The following LIFR variants were observed in gnomAD, a reference collection of about 807,000 sequenced individuals.
The protein encoded by LIFR is LIF receptor subunit alpha.
A neutral mutation model predicts 122.2 loss-of-function variants in LIFR; 84 were observed. The observed-to-expected ratio is 0.69, with a 90% CI of 0.58 to 0.82. The LOEUF is 0.82. Among genes scored for constraint, LIFR ranks in the 40% least tolerant of loss-of-function variants. The pLI, the probability that LIFR is intolerant of heterozygous loss-of-function variation, is 0.00. For missense variants in LIFR, 1,294 were observed against 1,311.6 expected, an observed-to-expected ratio of 0.99 and a Z score of 0.21; for synonymous variants, 422 against 434.7, an observed-to-expected ratio of 0.97 and a Z score of 0.36.
intron 3 of LIFR, among the ~76,000 whole-genome samples, chr5:38,527,824 C>T (rs1486639770): frequency 6.6e-6 from 1 of 152,224 alleles, no homozygotes; most frequent in African/African-American, 2.4e-5. Context: ...CTCTCTTGTT[C>T]CACAGCCCTT....
At chr5:38,552,672 T>C (rs1253890320) in intron 1 of LIFR, among the ~76,000 whole-genome samples, 1 of 152,206 alleles carries the variant, frequency 6.6e-6, no homozygotes, top group Non-Finnish European at 1.5e-5. Flanking sequence ...ACACTTGAAT[T>C]TCATGGAAGA....
At chr5:38,499,683 G>A (rs951017079) in intron 11 of LIFR, 100 bp from the exon 12 acceptor site, 13 of 851,050 alleles carry the variant, frequency 1.5e-5, no homozygotes, top group African/African-American at 3.3e-5. Context: ...TCAATAAAAC[G>A]TGAAGCAGTT....
chr5:38,584,930 C>T (rs889470649), intron 1 of LIFR, among the ~76,000 whole-genome samples: 5 of 152,092 alleles, frequency 3.3e-5, no homozygotes, highest in Non-Finnish European at 5.9e-5. Context: ...TTATAGCAAC[C>T]GTTTTACTAT....
rs56994772 is a variant in LIFR at position 38,552,955 on chromosome 5, T to A, written c.-20+3379A>T. Among the ~76,000 whole-genome samples, 652 of 152,342 alleles carry A rather than the reference T, an allele frequency of 4.3e-3. 4 individuals carry two copies. The highest frequency in any genetic ancestry group is 0.015 in the African/African-American group (613 of 41,584). On this transcript the variant is annotated intron_variant, in intron 1 of 19. Coordinates refer to ENST00000453190, the MANE Select transcript of LIFR (RefSeq NM_001127671.2). The stretch of plus-strand genomic sequence containing the variant: ...TGCAATGGGTAACAAGCAGATGTGT[T>A]GCTAGCCCCCTGGAGCTTCCAGCCT...
At chr5:38,531,661 T>C (rs1354421336) in intron 1 of LIFR, among the ~76,000 whole-genome samples, 2 of 151,750 alleles carry the variant, frequency 1.3e-5, no homozygotes, top group Non-Finnish European at 2.9e-5. Context: ...GAGTAATCTT[T>C]CAGAACAAAA....
At position 38,535,063 on chromosome 5, in the gene LIFR, T is replaced by C. The variant is rs371504569; in HGVS notation, c.-19-4397A>G. Reference sequence around the variant, plus strand: ...ATTCTCTGGAAGCTACTGCAGGACATGACTGACCAAAATGAGGTACAAAAC... The same window carrying C: ...ATTCTCTGGAAGCTACTGCAGGACACGACTGACCAAAATGAGGTACAAAAC... On this transcript the variant is annotated intron_variant, in intron 1 of 19. Transcript: ENST00000453190. Among the ~76,000 whole-genome samples the C allele has an allele frequency of 6.6e-5, 10 of 152,232 alleles. No individual in the cohort carries two copies. In the East Asian group the frequency reaches 1.5e-3, roughly 23 times the overall value.
intron 16 of LIFR, among the ~76,000 whole-genome samples, chr5:38,486,225 T>C (rs185522374): frequency 2.0e-5 from 3 of 152,336 alleles, no homozygotes; most frequent in Non-Finnish European, 4.4e-5. Flanking sequence ...TAGAATATCA[T>C]GACTTAAGCT....
chr5:38,515,361 T>C (rs1010811315), intron 5 of LIFR, among the ~76,000 whole-genome samples: 2 of 151,564 alleles, frequency 1.3e-5, no homozygotes, highest in African/African-American at 4.9e-5. Flanking sequence ...AAAGATAAAA[T>C]TGATAAAGTA....
Position 38,476,858 on chromosome 5 carries a change from T to C in LIFR, c.*4737A>G, listed in dbSNP as rs969308147. ...TTGCACAGTTAGAATTTGTCTTGCA[T>C]AGGTAAATTCTGTTTATAACATGGA... is the stretch of plus-strand genomic sequence containing the variant. On this transcript the variant is annotated 3_prime_UTR_variant, in exon 20 of 20. Transcript: ENST00000453190. 9.4e-6 allele frequency: 2 copies of C among 213,054 alleles called. No homozygotes were observed. Among genetic ancestry groups the C allele is most frequent in the Non-Finnish European group, 1.9e-5 (2 of 105,384 alleles). 13.2% of individuals were successfully genotyped at this position (213,054 alleles called of 1,614,324 possible). A position where few individuals can be genotyped will look rare whatever the true frequency, so the allele number is the denominator to read the frequency against.
chr5:38,495,229 T>C (rs996137563), intron 13 of LIFR, among the ~76,000 whole-genome samples: 3 of 152,202 alleles, frequency 2.0e-5, no homozygotes, highest in African/African-American at 7.2e-5. Context: ...ACAGAAAAGG[T>C]AGGATTATGT....
chr5:38,503,757 T>C lies in LIFR; in HGVS notation c.1437+219A>G, dbSNP rs554796744. ...AGCACCAGCTATGTGCCAGGTACTATAGTGCATCTGGGAACATTCTGAGGA... is the reference window on the plus strand; with the variant it reads ...AGCACCAGCTATGTGCCAGGTACTACAGTGCATCTGGGAACATTCTGAGGA... On this transcript the variant is annotated intron_variant, in intron 10 of 19. Transcript: ENST00000453190. Among the ~76,000 whole-genome samples, 6 of 149,172 alleles carry C rather than the reference T, an allele frequency of 4.0e-5. No homozygotes were observed. The East Asian group carries it at 5.8e-4, about 14-fold the overall frequency.
intron 10 of LIFR, 67 bp downstream of exon 10, chr5:38,503,909 G>T: frequency 8.7e-7 from 1 of 1,144,320 alleles, no homozygotes; most frequent in Non-Finnish European, 1.3e-6. Context: ...ATATCAATTT[G>T]CTTAATTCTT....
In LIFR at chr5:38,512,115, T is replaced by C. The variant is rs116214074; in HGVS notation, c.562-151A>G. 2,200 of 757,110 alleles carry C rather than the reference T, an allele frequency of 2.9e-3. 8 individuals are homozygous for C. The highest frequency in any genetic ancestry group is 4.5e-3 in the Non-Finnish European group (1,930 of 431,950). The allele number at this position is 757,110 out of a possible 1,614,324, so 46.9% of individuals were successfully genotyped here. On this transcript the variant is annotated intron_variant, in intron 5 of 19. Transcript: ENST00000453190. ...CAACTCAGTTTTGTGTAAGGTATAA[T>C]AGCAGAGTAACAATAATCATGATTC... is the stretch of plus-strand genomic sequence containing the variant.
At chr5:38,499,192 A>T (rs543579009) in intron 12 of LIFR, among the ~76,000 whole-genome samples, 74 of 152,234 alleles carry the variant, frequency 4.9e-4, no homozygotes, top group Non-Finnish European at 7.6e-4. Flanking sequence ...AGAAAAAAAT[A>T]TAACAAACAC....
At chr5:38,499,141 A>C (rs1580044267) in intron 12 of LIFR, among the ~76,000 whole-genome samples, 1 of 152,234 alleles carries the variant, frequency 6.6e-6, no homozygotes, top group Admixed American at 6.5e-5. Context: ...AAGGGAAATA[A>C]ATTACACATG....
chr5:38,477,939 T>C lies in LIFR; in HGVS notation c.*3656A>G. 1 of 211,732 alleles carries C rather than the reference T, an allele frequency of 4.7e-6. No individual in the cohort carries two copies. The highest frequency in any genetic ancestry group is 7.0e-5 in the East Asian group (1 of 14,198). The allele number at this position is 211,732 out of a possible 1,614,324, so 13.1% of individuals were successfully genotyped here. On this transcript the variant is annotated 3_prime_UTR_variant, in exon 20 of 20. Transcript: ENST00000453190. ...AATTCAAAATAGAGAATAGCAAAAA[T>C]AACCTTAGAGCAAACAAAAAATTTT...
At chr5:38,526,501 CACAG>C (rs1312900249) in intron 4 of LIFR, among the ~76,000 whole-genome samples, 2 of 151,620 alleles carry the variant, frequency 1.3e-5, no homozygotes, top group Admixed American at 1.3e-4. Flanking sequence ...TCTTTAGATC[CACAG>C]ACACTTAATT....
Position 38,490,274 on chromosome 5 carries a change from T to C in LIFR, c.2083A>G (p.Ile695Val), listed in dbSNP as rs2112399701. 6.5e-6 allele frequency: 10 copies of C among 1,544,260 alleles called. No individual in the cohort carries two copies. Among genetic ancestry groups the C allele is most frequent in the Non-Finnish European group, 8.9e-6 (10 of 1,119,276 alleles). ...VIESDEFRPG[I>V]RYNFFLYGCR... ...CCATACAGGAAAAAATTATATCTTA[T>C]ACCTGGTCGAAACTCATCTATAGGA... is the stretch of plus-strand genomic sequence containing the variant. The change falls in exon 15 of 20, where the codon ATA becomes GTA. Residue 695 changes from isoleucine to valine, a missense_variant. Ile to Val is a conservative substitution (Grantham distance 29, BLOSUM62 3). Coordinates refer to ENST00000453190, the MANE Select transcript of LIFR (RefSeq NM_001127671.2).
chr5:38,589,350 G>A (rs1447883075), intron 1 of LIFR, among the ~76,000 whole-genome samples: 2 of 152,006 alleles, frequency 1.3e-5, no homozygotes, highest in African/African-American at 4.8e-5. Flanking sequence ...GTTTAAACAA[G>A]AAATAGTAAT....
Sources: gnomAD v4.1 joint callset for allele counts (sites outside exome capture counted in the v4.1 genomes callset) on GRCh38, gnomAD v4.1.1 for gene constraint, MANE v1.5 for transcripts, NCBI Gene and HGNC (gene_info 2026-07-23, HGNC 2026-07-21) for gene names.